Variants in WDR75 observed in about 807,000 individuals in gnomAD.
The protein encoded by WDR75 is WD repeat-containing protein 75.
Under a neutral mutation model 106.1 loss-of-function variants are expected in WDR75, and 52 were observed. That is an observed-to-expected ratio of 0.49 (90% confidence interval 0.39 to 0.62). WDR75 has a LOEUF of 0.62. Ranked by LOEUF, WDR75 falls within the 20% of genes least tolerant of loss-of-function variation. The probability of loss-of-function intolerance (pLI) is 0.00; values close to 1 mark genes in which losing one functional copy is unlikely to be tolerated. For synonymous variants in WDR75, 333 were observed against 335.5 expected (o/e 0.99, Z 0.08); for missense variants, 905 against 970.3 (o/e 0.93, Z 0.89).
chr2:189,456,116 TTAA>T (rs1686730188), intron 5 of WDR75, among the ~76,000 whole-genome samples: 1 of 152,174 alleles, frequency 6.6e-6, no homozygotes, highest in Admixed American at 6.5e-5. Context: ...CTGAAAAGAG[TTAA>T]TTTCTCAGAG....
intron 5 of WDR75, 163 bp downstream of exon 5, chr2:189,455,607 A>G (rs1686717006): frequency 7.7e-6 from 7 of 911,284 alleles, no homozygotes; most frequent in Middle Eastern, 3.3e-4. Flanking sequence ...TATTTATGGT[A>G]TAGATTTTTT....
intron 8 of WDR75, among the ~76,000 whole-genome samples, chr2:189,460,319 T>C (rs1437171228): frequency 6.6e-6 from 1 of 152,178 alleles, no homozygotes; most frequent in Non-Finnish European, 1.5e-5. Context: ...TACTTGGGTG[T>C]AATGCCCGGA....
chr2:189,449,254 A>G (rs2106112866), intron 2 of WDR75: 2 of 1,303,550 alleles, frequency 1.5e-6, no homozygotes, highest in Non-Finnish European at 2.0e-6. Context: ...GTCACAGCCA[A>G]CTTGGAAGTT....
chr2:189,455,200 C>T (rs1686707045), intron 4 of WDR75, 120 bp from the exon 5 acceptor site: 1 of 1,222,954 alleles, frequency 8.2e-7, no homozygotes, highest in African/African-American at 1.6e-5. Flanking sequence ...GAGATCACGC[C>T]ACTGCACTCC....
At chr2:189,469,980 T>C (rs1021831504) in intron 16 of WDR75, 96 bp from the exon 17 acceptor site, 3 of 1,089,416 alleles carry the variant, frequency 2.8e-6, no homozygotes, top group African/African-American at 1.6e-5. Flanking sequence ...AGTTACTCAA[T>C]GGGGTGAGTC....
At chr2:189,456,652 G>A (rs974277306) in intron 5 of WDR75, among the ~76,000 whole-genome samples, 1 of 152,040 alleles carries the variant, frequency 6.6e-6, no homozygotes, top group Non-Finnish European at 1.5e-5. Context: ...GGAGGAGGGG[G>A]CATTTCTGAG....
intron 8 of WDR75, among the ~76,000 whole-genome samples, chr2:189,460,446 C>G (rs554935321): frequency 4.1e-4 from 62 of 152,050 alleles, no homozygotes; most frequent in African/African-American, 1.5e-3. Context: ...CCACTCCACA[C>G]CCTCAAAATA....
intron 15 of WDR75, among the ~76,000 whole-genome samples, chr2:189,468,992 T>A (rs1371018354): frequency 6.6e-6 from 1 of 152,214 alleles, no homozygotes; most frequent in Non-Finnish European, 1.5e-5. Context: ...AGTGTATGTT[T>A]GGAAGGCATA....
At chr2:189,453,823 A>G (rs1179517912) in intron 4 of WDR75, among the ~76,000 whole-genome samples, 3 of 152,176 alleles carry the variant, frequency 2.0e-5, no homozygotes, top group East Asian at 1.9e-4. Flanking sequence ...TGTGTTATCT[A>G]TGTTCCACAG....
At chr2:189,455,568 C>G in intron 5 of WDR75, 124 bp downstream of exon 5, 1 of 1,234,772 alleles carries the variant, frequency 8.1e-7, no homozygotes, top group Non-Finnish European at 1.1e-6. Context: ...GTATTAGTAA[C>G]TAAGAAGCCT....
intron 16 of WDR75, 119 bp from the exon 17 acceptor site, chr2:189,469,957 C>T: frequency 1.1e-6 from 1 of 873,390 alleles, no homozygotes; most frequent in Non-Finnish European, 1.8e-6. Flanking sequence ...CTAAAACAGT[C>T]ATGACTTGGG....
chr2:189,445,859 G>A (rs1165618037), intron 1 of WDR75, among the ~76,000 whole-genome samples: 2 of 152,212 alleles, frequency 1.3e-5, no homozygotes, highest in African/African-American at 4.8e-5. Flanking sequence ...TAGAAAACGT[G>A]TTCTATGTAG....
chr2:189,452,472 G>A (rs1002117710), intron 4 of WDR75, among the ~76,000 whole-genome samples: 1 of 151,548 alleles, frequency 6.6e-6, no homozygotes, highest in South Asian at 2.1e-4. Flanking sequence ...TGAGGCAGGA[G>A]AATGGCGTGA....
chr2:189,449,189 C>A, intron 2 of WDR75: 1 of 1,227,818 alleles, frequency 8.1e-7, no homozygotes, highest in Non-Finnish European at 1.1e-6. Flanking sequence ...AATTTTATCT[C>A]AACAATATTT....
chr2:189,452,241 G>A (rs1463110589), intron 4 of WDR75, among the ~76,000 whole-genome samples: 1 of 152,092 alleles, frequency 6.6e-6, no homozygotes, highest in Non-Finnish European at 1.5e-5. Flanking sequence ...ACTTTCTTAA[G>A]TCAGGGTGGA....
chr2:189,474,099 T>C (rs1252431249), intron 18 of WDR75, 87 bp from the exon 19 acceptor site: 1 of 1,377,066 alleles, frequency 7.3e-7, no homozygotes, highest in Non-Finnish European at 9.9e-7. Flanking sequence ...TCCCAGACTT[T>C]TTATGATTCT....
intron 8 of WDR75, 64 bp downstream of exon 8, chr2:189,459,488 T>C: frequency 1.4e-6 from 2 of 1,448,350 alleles, no homozygotes; most frequent in Non-Finnish European, 9.6e-7. Context: ...TTTAATTCAC[T>C]GTATTTTTAG....
intron 6 of WDR75, among the ~76,000 whole-genome samples, chr2:189,457,717 A>G (rs931642281): frequency 6.6e-6 from 1 of 152,138 alleles, no homozygotes; most frequent in Non-Finnish European, 1.5e-5. Context: ...AGGCTTTGAC[A>G]TATGTAAGTT....
chr2:189,452,554 CAAAAAAAA>C (rs926726769), intron 4 of WDR75, among the ~76,000 whole-genome samples: 4 of 87,642 alleles, frequency 4.6e-5, no homozygotes, highest in African/African-American at 1.7e-4. Flanking sequence ...ACTCTGTCTC[CAAAAAAAA>C]AAAAAAAATT....
Sources: gnomAD v4.1 joint callset for allele counts (sites outside exome capture counted in the v4.1 genomes callset) on GRCh38, gnomAD v4.1.1 for gene constraint, MANE v1.5 for transcripts, NCBI Gene and HGNC (gene_info 2026-07-23, HGNC 2026-07-21) for gene names.